The following FGF13 variants were observed in gnomAD, a reference collection of about 807,000 sequenced individuals.
FGF13 encodes the protein fibroblast growth factor homologous factor 2.
FGF13 carries 2 observed loss-of-function variants against 19.5 expected under a neutral mutation model. That is an observed-to-expected ratio of 0.10 (90% CI 0.04 to 0.32). FGF13 has a LOEUF of 0.32. FGF13 is among the 10% of genes least tolerant of loss of function. The probability of loss-of-function intolerance (pLI) is 1.00; values close to 1 mark genes in which losing one functional copy is unlikely to be tolerated. For missense variants in FGF13, 113 were observed against 192.7 expected (o/e 0.59, Z 2.45); for synonymous variants, 72 against 76.9 (o/e 0.94, Z 0.33).
intron 1 of FGF13, among the ~76,000 whole-genome samples, chrX:138,902,972 A>G (rs1226186440): frequency 9.0e-6 from 1 of 111,570 alleles, no homozygotes; most frequent in Non-Finnish European, 1.9e-5. Context: ...AGAAAAAAAG[A>G]TCTAAAGTTT....
intron 3 of FGF13, among the ~76,000 whole-genome samples, chrX:138,637,747 C>A (rs184913696): frequency 9.0e-6 from 1 of 111,705 alleles, no homozygotes; most frequent in African/African-American, 3.3e-5. Context: ...TGTGTGCTAC[C>A]ATAAGGAAAG....
At chrX:139,124,019 C>A (rs143980862) in intron 1 of FGF13, among the ~76,000 whole-genome samples, 2 of 111,838 alleles carry the variant, frequency 1.8e-5, no homozygotes, top group Non-Finnish European at 3.8e-5. Flanking sequence ...TTATTCAAAC[C>A]GACCAATCAC....
At chrX:138,848,272 G>A (rs2091197717) in intron 3 of FGF13, among the ~76,000 whole-genome samples, 1 of 111,357 alleles carries the variant, frequency 9.0e-6, no homozygotes, top group Non-Finnish European at 1.9e-5. Context: ...TATAAGGGCT[G>A]CCTCTCCAGC....
chrX:139,075,700 G>A (rs1041606551), intron 1 of FGF13, among the ~76,000 whole-genome samples: 5 of 111,940 alleles, frequency 4.5e-5, no homozygotes, highest in African/African-American at 6.5e-5. Flanking sequence ...CTCTTTTCCC[G>A]TCTATTTTCC....
chrX:139,204,074 TCTC>T, upstream of FGF13: 3 of 1,210,827 alleles, frequency 2.5e-6, no homozygotes, highest in Non-Finnish European at 2.2e-6. Context: ...GAAGCATCTT[TCTC>T]CTCTTTGGGC....
chrX:138,634,824 A>G (rs1447952111), intron 4 of FGF13, among the ~76,000 whole-genome samples: 1 of 112,259 alleles, frequency 8.9e-6, no homozygotes, highest in Non-Finnish European at 1.9e-5. Context: ...TACAACCACT[A>G]TGGAAAACAG....
At chrX:138,895,584 G>T (rs903914606) in intron 1 of FGF13, among the ~76,000 whole-genome samples, 5 of 111,944 alleles carry the variant, frequency 4.5e-5, no homozygotes, top group African/African-American at 1.6e-4. Flanking sequence ...CAGCCATAAT[G>T]AAAAATAGTA....
Position 139,087,068 on chromosome X carries a change from G to A in FGF13, c.-113+116348C>T, listed in dbSNP as rs182334904. ...TCCCAGCACTTTGGGAGGCCAAGGC[G>A]GGTGGATCACCTGAAGTCGGGAGTT... On this transcript the variant is annotated intron_variant, in intron 1 of 2. Coordinates refer to the FGF13 transcript ENST00000421460. 3.5e-3 allele frequency among the ~76,000 whole-genome samples: 395 copies of A among 112,522 alleles called. 1 individual carries two copies. Among genetic ancestry groups the A allele is most frequent in the African/African-American group, 0.012 (376 of 30,997 alleles).
chrX:138,883,380 G>C (rs1342388450), intron 1 of FGF13, among the ~76,000 whole-genome samples: 1 of 111,469 alleles, frequency 9.0e-6, no homozygotes, highest in African/African-American at 3.3e-5. Context: ...CCTCATAAAA[G>C]AAAGCTTTTC....
intron 3 of FGF13, among the ~76,000 whole-genome samples, chrX:138,808,370 A>G (rs909183868): frequency 4.5e-5 from 5 of 112,207 alleles, no homozygotes; most frequent in Admixed American, 9.4e-5. Flanking sequence ...GAAGGCAGAA[A>G]TAAAGATGTT....
chrX:139,025,434 C>T (rs1480123649), intron 1 of FGF13, among the ~76,000 whole-genome samples: 2 of 111,408 alleles, frequency 1.8e-5, no homozygotes, highest in Non-Finnish European at 3.8e-5. Context: ...TTGAAGCCAT[C>T]AGCTATGATT....
chrX:139,057,061 G>A (rs1001974287), intron 1 of FGF13, among the ~76,000 whole-genome samples: 2 of 111,464 alleles, frequency 1.8e-5, no homozygotes, highest in Admixed American at 9.6e-5. Context: ...AGCTTCAACT[G>A]TCTCATCTAT....
At chrX:138,817,301 G>A (rs1481876165) in intron 3 of FGF13, among the ~76,000 whole-genome samples, 2 of 111,998 alleles carry the variant, frequency 1.8e-5, no homozygotes, top group African/African-American at 6.5e-5. Context: ...TGTATGGGAA[G>A]GAGGATGGAC....
Position 138,702,854 on chromosome X carries a change from A to G in FGF13, c.402+130T>C, listed in dbSNP as rs1407138769. The G allele has an allele frequency of 2.8e-5, 13 of 467,227 alleles. No individual in the cohort carries two copies. The South Asian group carries it at 4.1e-4, about 15-fold the overall frequency. The allele number at this position is 467,227 out of a possible 1,213,427, so 38.5% of individuals were successfully genotyped here. A position where few individuals can be genotyped will look rare whatever the true frequency, so the allele number is the denominator to read the frequency against. ...CACAGAAAGTTAATCTGTCCTTTCA[A>G]TGAAATATTTCCATCAACATTCTTC... On this transcript the variant is annotated intron_variant, in intron 3 of 4. Transcript: ENST00000315930.
intron 3 of FGF13, among the ~76,000 whole-genome samples, chrX:138,638,304 C>G (rs2089206050): frequency 8.9e-6 from 1 of 112,157 alleles, no homozygotes; most frequent in Non-Finnish European, 1.9e-5. Context: ...TCATTCACCA[C>G]AGAACCATGT....
At chrX:139,091,817 G>A (rs766472785) in intron 1 of FGF13, among the ~76,000 whole-genome samples, 6 of 110,819 alleles carry the variant, frequency 5.4e-5, no homozygotes, top group African/African-American at 9.8e-5. Flanking sequence ...GGAAATGAGC[G>A]CACATGAAGG....
intron 3 of FGF13, among the ~76,000 whole-genome samples, chrX:138,784,557 C>T (rs140676141): frequency 9.1e-6 from 1 of 109,481 alleles, no homozygotes; most frequent in African/African-American, 3.3e-5. Context: ...ATACTTTCCA[C>T]CTCCTATCTC....
At chrX:138,703,949 G>C (rs947885764) in intron 2 of FGF13, among the ~76,000 whole-genome samples, 3 of 111,091 alleles carry the variant, frequency 2.7e-5, no homozygotes, top group Non-Finnish European at 5.7e-5. Context: ...CCTGACCTCA[G>C]GTGATCTGCC....
At position 138,637,151 on chromosome X, in the gene FGF13, C is replaced by T. The variant is rs139701372; in HGVS notation, c.403-1496G>A. On this transcript the variant is annotated intron_variant, in intron 3 of 4. Coordinates refer to ENST00000315930, the MANE Select transcript of FGF13 (RefSeq NM_004114.5). ...GTTCAGAGGATTCACACAAATTCAACCTACTCAAGAAGCAATGTACTTCTA... is the reference window on the plus strand; with the variant it reads ...GTTCAGAGGATTCACACAAATTCAATCTACTCAAGAAGCAATGTACTTCTA... 5.7e-3 allele frequency among the ~76,000 whole-genome samples: 640 copies of T among 111,986 alleles called. 6 individuals carry two copies. Among genetic ancestry groups the T allele is most frequent in the Middle Eastern group, 0.018 (4 of 217 alleles).
Sources: allele counts gnomAD v4.1 joint callset (sites outside exome capture counted in the v4.1 genomes callset), GRCh38; gene constraint gnomAD v4.1.1; transcripts MANE v1.5; gene names NCBI Gene and HGNC (gene_info 2026-07-23, HGNC 2026-07-21).